ICA1: variants seen among roughly 807,000 people sequenced by gnomAD.
ICA1 encodes the protein islet cell autoantigen 1.
A neutral mutation model predicts 71.0 loss-of-function variants in ICA1; 40 were observed. That is an observed-to-expected ratio of 0.56 (90% CI 0.44 to 0.73). The LOEUF (loss-of-function observed/expected upper bound fraction) is 0.73, where lower values mean the gene tolerates loss of function less well. Ranked by LOEUF, ICA1 falls within the 30% of genes least tolerant of loss-of-function variation. ICA1 has a pLI of 0.00. For missense variants in ICA1, 578 were observed against 576.5 expected, an observed-to-expected ratio of 1.00 and a Z score of -0.03; for synonymous variants, 207 against 209.5, an observed-to-expected ratio of 0.99 and a Z score of 0.10.
At chr7:8,210,264 T>C (rs1260461003) in intron 6 of ICA1, among the ~76,000 whole-genome samples, 1 of 152,170 alleles carries the variant, frequency 6.6e-6, no homozygotes, top group African/African-American at 2.4e-5. Context: ...CTCCTGCATG[T>C]GGAGACTGAA....
chr7:8,253,061 G>A lies in ICA1; in HGVS notation c.-80+9033C>T, dbSNP rs529378970. Among the ~76,000 whole-genome samples the A allele has an allele frequency of 2.0e-5, 3 of 152,238 alleles. No individual in the cohort carries two copies. In the East Asian group the frequency reaches 5.8e-4, roughly 29 times the overall value. ...GCCAAAAATATTTTACTACTAGAAT[G>A]TTTTAAATTATATATGTGGCTGCTG... On this transcript the variant is annotated intron_variant, in intron 1 of 13. Transcript: ENST00000402384.
At chr7:8,244,430 T>C (rs1024377733) in intron 1 of ICA1, among the ~76,000 whole-genome samples, 3 of 152,178 alleles carry the variant, frequency 2.0e-5, no homozygotes, top group African/African-American at 7.2e-5. Context: ...AAGACTTAAA[T>C]GTTAGACCTA....
chr7:8,117,400 T>C (rs545785573), intron 13 of ICA1, among the ~76,000 whole-genome samples: 2 of 152,342 alleles, frequency 1.3e-5, no homozygotes, highest in Admixed American at 1.3e-4. Flanking sequence ...CAAACCTAGT[T>C]CCACACAGCA....
At chr7:8,254,241 C>T (rs1188834227) in intron 1 of ICA1, among the ~76,000 whole-genome samples, 1 of 151,998 alleles carries the variant, frequency 6.6e-6, no homozygotes, top group African/African-American at 2.4e-5. Context: ...GTATGCTGTG[C>T]ACGGGTCCTG....
chr7:8,214,605 A>G (rs967312983), intron 6 of ICA1, among the ~76,000 whole-genome samples: 1 of 152,134 alleles, frequency 6.6e-6, no homozygotes, highest in Non-Finnish European at 1.5e-5. Context: ...GTCCTTCTTG[A>G]AGGCTGGACT....
At position 8,203,310 on chromosome 7, in the gene ICA1, T is replaced by C. The variant is rs533012710; in HGVS notation, c.579+14995A>G. 1.7e-3 allele frequency among the ~76,000 whole-genome samples: 253 copies of C among 152,284 alleles called. 2 individuals are homozygous for C. The highest frequency in any genetic ancestry group is 5.9e-3 in the African/African-American group (246 of 41,564). ...GAAATCCAGTGGTTTAAGTGACTTT[T>C]CCATGTAGGTAAAGCATATTCTATT... On this transcript the variant is annotated intron_variant, in intron 6 of 13. Coordinates refer to ENST00000402384, the MANE Select transcript of ICA1 (RefSeq NM_001136020.3).
Position 8,158,648 on chromosome 7 carries a change from T to C in ICA1, c.584A>G (p.Gln195Arg). 1 of 1,613,964 alleles carries C rather than the reference T, an allele frequency of 6.2e-7. No individual in the cohort carries two copies. The highest frequency in any genetic ancestry group is 8.5e-7 in the Non-Finnish European group (1 of 1,179,960). ...YKQMEKFRKV[Q>R]TQVRLAKKNF... ...TTTTTTTGCAAGGCGCACTTGTGTTTGTACCTATGAAAATAAAGAGGAATT... is the reference window on the plus strand; with the variant it reads ...TTTTTTTGCAAGGCGCACTTGTGTTCGTACCTATGAAAATAAAGAGGAATT... The change falls in exon 7 of 14, where the codon CAA (glutamine) becomes CGA (arginine). Residue 195 changes from glutamine (Q) to arginine (R), a missense_variant. Physicochemically the swap from Gln to Arg is conservative, Grantham distance 43. Transcript: ENST00000402384.
At chr7:8,260,557 T>C (rs1184429056) in intron 1 of ICA1, among the ~76,000 whole-genome samples, 2 of 152,182 alleles carry the variant, frequency 1.3e-5, no homozygotes. Context: ...TTATAAACAG[T>C]ACAATTATTT....
chr7:8,145,746 G>GTA (rs199855161), intron 8 of ICA1, among the ~76,000 whole-genome samples: 3,019 of 33,486 alleles, frequency 0.09, 175 homozygotes, highest in African/African-American at 0.15. Context: ...TGGAATCATT[G>GTA]TGTATATATA....
chr7:8,200,645 C>T (rs1789313704), intron 6 of ICA1, among the ~76,000 whole-genome samples: 2 of 152,152 alleles, frequency 1.3e-5, no homozygotes, highest in Non-Finnish European at 1.5e-5. Context: ...AAAAAGAACA[C>T]TTGAATATAG....
intron 5 of ICA1, among the ~76,000 whole-genome samples, chr7:8,220,923 C>G (rs1796849086): frequency 6.6e-6 from 1 of 152,026 alleles, no homozygotes; most frequent in Non-Finnish European, 1.5e-5. Context: ...TCATTAGGCT[C>G]CTGCTTTAAT....
intron 10 of ICA1, among the ~76,000 whole-genome samples, chr7:8,139,798 T>C (rs111733217): frequency 1.4e-4 from 21 of 152,336 alleles, no homozygotes; most frequent in Middle Eastern, 3.4e-3. Flanking sequence ...CTCTGTACAT[T>C]GAGCCTAACT....
chr7:8,250,407 G>A (rs1807753948), intron 1 of ICA1, among the ~76,000 whole-genome samples: 1 of 152,162 alleles, frequency 6.6e-6, no homozygotes, highest in Non-Finnish European at 1.5e-5. Context: ...TTCCCATGGA[G>A]GATGGGAAGT....
intron 1 of ICA1, among the ~76,000 whole-genome samples, chr7:8,244,234 C>A (rs1368333798): frequency 6.6e-6 from 1 of 152,068 alleles, no homozygotes. Context: ...GAACAGAACA[C>A]AGAACTCAGA....
intron 8 of ICA1, 138 bp downstream of exon 8, chr7:8,156,978 A>G: frequency 6.4e-7 from 1 of 1,560,088 alleles, no homozygotes; most frequent in Non-Finnish European, 8.7e-7. Flanking sequence ...AAAGAAAAAG[A>G]CTCTGCTGGG....
chr7:8,157,323 T>A, intron 7 of ICA1, 109 bp from the exon 8 acceptor site: 2 of 1,059,662 alleles, frequency 1.9e-6, no homozygotes, highest in Non-Finnish European at 2.7e-6. Context: ...AAAGCATGAT[T>A]CTAACTCATT....
In ICA1 at chr7:8,158,633, A is replaced by G. The variant is rs1802592536; in HGVS notation, c.599T>C (p.Leu200Pro). 1 of 1,613,864 alleles carries G rather than the reference A, an allele frequency of 6.2e-7. No homozygotes were observed. Among genetic ancestry groups the G allele is most frequent in the Non-Finnish European group, 8.5e-7 (1 of 1,179,962 alleles). ...KFRKVQTQVRLAKKNFDKLKM... is the reference protein window; with the variant it reads ...KFRKVQTQVRPAKKNFDKLKM... ...CAATTTGTCAAAGTTTTTTTTTGCAAGGCGCACTTGTGTTTGTACCTATGA... is the reference window on the plus strand; with the variant it reads ...CAATTTGTCAAAGTTTTTTTTTGCAGGGCGCACTTGTGTTTGTACCTATGA... Residue 200 changes from leucine to proline, a missense_variant, in exon 7 of 14, where the codon CTT (leucine) becomes CCT (proline). By Grantham distance (98) the Leu-to-Pro change is moderately conservative. Coordinates refer to ENST00000402384, the MANE Select transcript of ICA1 (RefSeq NM_001136020.3).
At chr7:8,217,000 A>T (rs1023207959) in intron 6 of ICA1, among the ~76,000 whole-genome samples, 4 of 152,250 alleles carry the variant, frequency 2.6e-5, no homozygotes, top group Non-Finnish European at 5.9e-5. Flanking sequence ...TATTGGCCTG[A>T]TTAGAAAGTT....
chr7:8,152,656 C>T (rs865812944), intron 8 of ICA1, among the ~76,000 whole-genome samples: 298 of 149,612 alleles, frequency 2.0e-3, no homozygotes, highest in Non-Finnish European at 2.7e-3. Flanking sequence ...ACCACCACCA[C>T]CACCACCACC....
Sources: allele counts gnomAD v4.1 joint callset (sites outside exome capture counted in the v4.1 genomes callset), GRCh38; gene constraint gnomAD v4.1.1; transcripts MANE v1.5; gene names NCBI Gene and HGNC (gene_info 2026-07-23, HGNC 2026-07-21).